The following NCOA2 variants were observed in gnomAD, a reference collection of about 807,000 sequenced individuals.
The protein encoded by NCOA2 is nuclear receptor coactivator 2, also known as class E basic helix-loop-helix protein 75.
Under a neutral mutation model 145.1 loss-of-function variants are expected in NCOA2, and 21 were observed. That is an observed-to-expected ratio of 0.14 (90% CI 0.10 to 0.21). The LOEUF (loss-of-function observed/expected upper bound fraction) is 0.21. Ranked by LOEUF, NCOA2 falls within the 10% of genes least tolerant of loss-of-function variation. NCOA2 has a pLI of 1.00. For synonymous variants in NCOA2, 619 were observed against 637.5 expected (o/e 0.97, Z 0.44); for missense variants, 1,472 against 1,837.6 (o/e 0.80, Z 3.64).
rs558180795 is a variant in NCOA2 at position 70,321,655 on chromosome 8, A to C, written c.-76-24855T>G. ...ACTAAGACACCCTTCGCCACACAAG[A>C]AGCAAAACAGCATTCTTTCCTATGA... is the stretch of plus-strand genomic sequence containing the variant. On this transcript the variant is annotated intron_variant, in intron 1 of 22. Transcript: ENST00000452400. 9.7e-4 allele frequency among the ~76,000 whole-genome samples: 148 copies of C among 152,080 alleles called. 1 individual carries two copies. The highest frequency in any genetic ancestry group is 1.9e-3 in the Non-Finnish European group (131 of 68,024).
At chr8:70,373,929 T>C (rs1013010914) in intron 1 of NCOA2, among the ~76,000 whole-genome samples, 1 of 152,196 alleles carries the variant, frequency 6.6e-6, no homozygotes, top group Non-Finnish European at 1.5e-5. Flanking sequence ...ATCTTGAAAT[T>C]AGAGAGTGTA....
chr8:70,310,947 T>C (rs1238177050), intron 1 of NCOA2, among the ~76,000 whole-genome samples: 2 of 152,160 alleles, frequency 1.3e-5, no homozygotes, highest in Non-Finnish European at 2.9e-5. Flanking sequence ...TATTTTTAAA[T>C]AAAAGAAAAT....
rs373673019 is a variant in NCOA2, at chr8:70,149,781, C to T, written c.2395-1298G>A. Among the ~76,000 whole-genome samples the T allele has an allele frequency of 7.2e-5, 11 of 152,198 alleles. No individual in the cohort carries two copies. In the East Asian group the frequency reaches 1.2e-3, roughly 16 times the overall value. Reference sequence around the variant, plus strand: ...TTGCTTTCTAGTGCAGAAAGTAGTACGAACGATTTTCTTGATGTGTAAGTG... The same window carrying T: ...TTGCTTTCTAGTGCAGAAAGTAGTATGAACGATTTTCTTGATGTGTAAGTG... On this transcript the variant is annotated intron_variant, in intron 11 of 22. Coordinates refer to ENST00000452400, the MANE Select transcript of NCOA2 (RefSeq NM_006540.4).
At chr8:70,433,658 T>C in the NCOA2 span, among the ~76,000 whole-genome samples, 1 of 152,200 alleles carries the variant, frequency 6.6e-6, no homozygotes, top group East Asian at 1.9e-4. Flanking sequence ...GTGATAAGAC[T>C]GTGAATTTAG....
the NCOA2 span, among the ~76,000 whole-genome samples, chr8:70,450,055 G>A: frequency 2.6e-5 from 4 of 152,020 alleles, no homozygotes; most frequent in African/African-American, 9.7e-5. Flanking sequence ...GGGTGATAAC[G>A]TAAGAGGTTG....
chr8:70,213,139 T>TCTC (rs1271723878), intron 4 of NCOA2, among the ~76,000 whole-genome samples: 2 of 135,310 alleles, frequency 1.5e-5, no homozygotes, highest in Non-Finnish European at 3.2e-5. Context: ...AAGATAATAA[T>TCTC]CTCCCCAGGC....
At chr8:70,319,604 TTAAA>T (rs779643947) in intron 1 of NCOA2, among the ~76,000 whole-genome samples, 5 of 152,082 alleles carry the variant, frequency 3.3e-5, no homozygotes, top group Non-Finnish European at 7.4e-5. Flanking sequence ...AAAGTGATGC[TTAAA>T]TAAATATTCT....
chr8:70,277,278 T>C (rs546295444), intron 2 of NCOA2, among the ~76,000 whole-genome samples: 1 of 152,348 alleles, frequency 6.6e-6, no homozygotes, highest in African/African-American at 2.4e-5. Flanking sequence ...GATCCTTAAC[T>C]GTCCAATTTC....
At chr8:70,301,297 C>T (rs539849637) in intron 1 of NCOA2, among the ~76,000 whole-genome samples, 3 of 152,062 alleles carry the variant, frequency 2.0e-5, no homozygotes, top group Non-Finnish European at 2.9e-5. Context: ...GTAGGCCTCA[C>T]AATTTTCTCA....
intron 1 of NCOA2, among the ~76,000 whole-genome samples, chr8:70,344,591 T>A (rs948993128): frequency 3.3e-5 from 5 of 152,182 alleles, no homozygotes; most frequent in South Asian, 2.1e-4. Flanking sequence ...ATGCACTGAT[T>A]AATGGTGAGC....
At chr8:70,236,412 G>A (rs1173519218) in intron 2 of NCOA2, among the ~76,000 whole-genome samples, 2 of 151,878 alleles carry the variant, frequency 1.3e-5, no homozygotes, top group African/African-American at 2.4e-5. Context: ...CTGTTTGCCC[G>A]GGAACTATAA....
At chr8:70,144,887 G>A (rs759767255) in intron 12 of NCOA2, 39 bp from the exon 13 acceptor site, 4 of 1,538,496 alleles carry the variant, frequency 2.6e-6, no homozygotes, top group South Asian at 2.2e-5. Context: ...GTTAATATAG[G>A]ATAATGGAAA....
chr8:70,157,129 G>A lies in NCOA2; in HGVS notation c.1236C>T (p.Asn412=), dbSNP rs747147362. ...TACTGAGGGTCATGTCCTGACCTGG[G>A]TTCCCACTGCACAGGGCCTGATGGG... ...SPAHQALCSG[N]PGQDMTLSSN... is the part of the protein sequence containing the mutation. The change falls in exon 11 of 23, where the codon AAC becomes AAT. Residue 412 remains asparagine (N), a synonymous_variant. Coordinates refer to ENST00000452400, the MANE Select transcript of NCOA2 (RefSeq NM_006540.4). 5 of 1,613,868 alleles carry A rather than the reference G, an allele frequency of 3.1e-6. No homozygotes were observed. The highest frequency in any genetic ancestry group is 4.2e-6 in the Non-Finnish European group (5 of 1,179,800).
In NCOA2 at chr8:70,164,560, A is replaced by G. The variant is rs1813404862; in HGVS notation, c.731-994T>C. ...TCATGCTGTAAGGCGGAGGTCCTCT[A>G]CAATCAGTACTTCACTAACTACTAT... On this transcript the variant is annotated intron_variant, in intron 7 of 22. Transcript: ENST00000452400. 2.6e-5 allele frequency among the ~76,000 whole-genome samples: 4 copies of G among 152,152 alleles called. 1 individual carries two copies. The South Asian group carries it at 8.3e-4, about 31-fold the overall frequency.
chr8:70,222,252 T>A (rs1203063245), intron 2 of NCOA2, among the ~76,000 whole-genome samples: 1 of 152,196 alleles, frequency 6.6e-6, no homozygotes, highest in African/African-American at 2.4e-5. Flanking sequence ...ATTTGCCTTT[T>A]AAAAATAACA....
the NCOA2 span, among the ~76,000 whole-genome samples, chr8:70,449,335 C>A: frequency 2.6e-5 from 4 of 152,140 alleles, no homozygotes; most frequent in African/African-American, 7.2e-5. Flanking sequence ...GCACTATGAG[C>A]ATTTATATCA....
chr8:70,430,346 A>T, the NCOA2 span, among the ~76,000 whole-genome samples: 8 of 152,350 alleles, frequency 5.3e-5, no homozygotes, highest in African/African-American at 1.7e-4. Context: ...ACATTTGATA[A>T]CTACTTTTAC....
intron 2 of NCOA2, among the ~76,000 whole-genome samples, chr8:70,267,823 T>TA (rs1466921098): frequency 6.6e-6 from 1 of 152,222 alleles, no homozygotes; most frequent in African/African-American, 2.4e-5. Context: ...CGTTAGGTAT[T>TA]TATAACCTTG....
chr8:70,341,120 T>C (rs1053786256), intron 1 of NCOA2, among the ~76,000 whole-genome samples: 23 of 145,932 alleles, frequency 1.6e-4, no homozygotes, highest in African/African-American at 5.7e-4. Flanking sequence ...CTGGGCATGG[T>C]GGCTCAATGC....
Sources: allele counts gnomAD v4.1 joint callset (sites outside exome capture counted in the v4.1 genomes callset), GRCh38; gene constraint gnomAD v4.1.1; transcripts MANE v1.5; gene names NCBI Gene and HGNC (gene_info 2026-07-23, HGNC 2026-07-21).